PARVB: variants seen among roughly 807,000 people sequenced by gnomAD.
PARVB encodes the protein beta-parvin.
In PARVB, 46 loss-of-function variants were observed where a neutral mutation model predicts 47.0. The ratio of observed to expected loss-of-function variants is 0.98; its 90% CI spans 0.77 to 1.25. PARVB has a LOEUF of 1.25. Among genes scored for constraint, PARVB ranks in the 50% most tolerant of loss-of-function variants. The probability of loss-of-function intolerance (pLI) is 0.00; values close to 1 mark genes in which losing one functional copy is unlikely to be tolerated. For synonymous variants in PARVB, 196 were observed against 196.3 expected (o/e 1.00, Z 0.01); for missense variants, 473 against 471.6 (o/e 1.00, Z -0.03).
intron 1 of PARVB, among the ~76,000 whole-genome samples, chr22:44,082,556 C>G (rs1013300917): frequency 6.6e-6 from 1 of 152,060 alleles, no homozygotes; most frequent in East Asian, 1.9e-4. Context: ...AAAACAAAAA[C>G]TGACTCATGT....
intron 4 of PARVB, among the ~76,000 whole-genome samples, chr22:44,128,225 T>C (rs2053232429): frequency 6.6e-6 from 1 of 152,208 alleles, no homozygotes; most frequent in Non-Finnish European, 1.5e-5. Context: ...GTGCCCGTGC[T>C]GTGGGAGCTC....
intron 1 of PARVB, among the ~76,000 whole-genome samples, chr22:44,037,094 G>A (rs1239113175): frequency 6.6e-6 from 1 of 152,160 alleles, no homozygotes; most frequent in Non-Finnish European, 1.5e-5. Flanking sequence ...GGCCAAGGCA[G>A]GAGGATCGCT....
chr22:44,145,404 C>T (rs1051433824), intron 8 of PARVB: 1 of 152,296 alleles, frequency 6.6e-6, no homozygotes, highest in African/African-American at 2.4e-5. Context: ...CTGGGGAGGC[C>T]CCTGGGTTAC....
chr22:44,021,085 C>G (rs540391534), upstream of PARVB, among the ~76,000 whole-genome samples: 5 of 152,190 alleles, frequency 3.3e-5, no homozygotes, highest in South Asian at 2.1e-4. Flanking sequence ...GCCTGGCCCC[C>G]CTTTTGGGTT....
chr22:44,088,503 G>T (rs1269635494), intron 1 of PARVB, among the ~76,000 whole-genome samples: 3 of 152,058 alleles, frequency 2.0e-5, no homozygotes, highest in African/African-American at 7.2e-5. Context: ...ACGGAGTCTC[G>T]CTGTGTTGCC....
chr22:44,066,794 T>C (rs905854175), intron 1 of PARVB, among the ~76,000 whole-genome samples: 1 of 143,916 alleles, frequency 6.9e-6, no homozygotes, highest in Non-Finnish European at 1.5e-5. Flanking sequence ...CTCCTCCTCC[T>C]CCTCCTCCTC....
chr22:44,024,442 G>T lies in PARVB; in HGVS notation c.103G>T (p.Ala35Ser). 1 of 1,190,974 alleles carries T rather than the reference G, an allele frequency of 8.4e-7. No individual in the cohort carries two copies. The highest frequency in any genetic ancestry group is 4.4e-5 in the East Asian group (1 of 22,868). 73.8% of individuals were successfully genotyped at this position (1,190,974 alleles called of 1,614,324 possible). ...CGGCACCCTGGCCAGGAAGCGGAGG[G>T]CGCGCGAGGGTGAGTGCGCGCCCGC... ...LGGTLARKRRAREVSDLQEEG... is the reference protein window; with the variant it reads ...LGGTLARKRRSREVSDLQEEG... The change falls in exon 1 of 13, where the codon GCG becomes TCG. Residue 35 changes from alanine to serine, a missense_variant. Physicochemically the swap from Ala to Ser is moderately conservative, Grantham distance 99. Transcript: ENST00000338758.
intron 10 of PARVB, 134 bp downstream of exon 10, chr22:44,151,685 GA>G: frequency 1.4e-6 from 1 of 695,184 alleles, no homozygotes; most frequent in East Asian, 2.7e-5. Context: ...GGTGCAGGCA[GA>G]AATAACCACC....
intron 1 of PARVB, among the ~76,000 whole-genome samples, chr22:44,071,128 T>C (rs917502353): frequency 1.3e-5 from 2 of 152,136 alleles, no homozygotes; most frequent in Admixed American, 6.5e-5. Context: ...TACTGAGCGC[T>C]CTGTCCCCTC....
chr22:44,072,431 T>G (rs1369345481), intron 1 of PARVB, among the ~76,000 whole-genome samples: 1 of 151,954 alleles, frequency 6.6e-6, no homozygotes, highest in African/African-American at 2.4e-5. Flanking sequence ...GACTTCAGAG[T>G]CACTCTTTTT....
At chr22:44,153,854 A>G (rs1248433184) in intron 10 of PARVB, among the ~76,000 whole-genome samples, 1 of 152,214 alleles carries the variant, frequency 6.6e-6, no homozygotes, top group African/African-American at 2.4e-5. Flanking sequence ...CACCTCATTA[A>G]ACCAGTGCCT....
At chr22:44,117,859 TCA>T (rs2052946069) in intron 3 of PARVB, among the ~76,000 whole-genome samples, 1 of 152,048 alleles carries the variant, frequency 6.6e-6, no homozygotes, top group Non-Finnish European at 1.5e-5. Flanking sequence ...CACAGGAAAA[TCA>T]CACACTCTGT....
intron 2 of PARVB, among the ~76,000 whole-genome samples, chr22:44,013,007 G>A (rs1365425211): frequency 3.3e-5 from 5 of 151,424 alleles, no homozygotes; most frequent in East Asian, 1.9e-4. Context: ...GGCGATTCTC[G>A]TGCCTCAGCC....
intron 12 of PARVB, 52 bp from the exon 13 acceptor site, chr22:44,168,550 G>T (rs569169180): frequency 8.2e-7 from 1 of 1,213,838 alleles, no homozygotes; most frequent in South Asian, 1.2e-5. Flanking sequence ...AGTACCTACC[G>T]CAATGACAGG....
intron 4 of PARVB, among the ~76,000 whole-genome samples, chr22:44,122,487 C>G: frequency 1.6e-5 from 1 of 64,410 alleles, no homozygotes; most frequent in African/African-American, 5.7e-5. Flanking sequence ...CCCTGTCGAT[C>G]AAGAGAGAGA....
intron 1 of PARVB, among the ~76,000 whole-genome samples, chr22:44,072,890 C>T (rs1256406973): frequency 6.6e-6 from 1 of 152,152 alleles, no homozygotes. Flanking sequence ...CTTCACCCTG[C>T]AGGGCAAACT....
chr22:44,078,752 T>C (rs901276671), intron 1 of PARVB, among the ~76,000 whole-genome samples: 2 of 151,936 alleles, frequency 1.3e-5, no homozygotes, highest in Non-Finnish European at 2.9e-5. Context: ...TAAGATGGAG[T>C]CTCACTCTGT....
At chr22:44,101,417 TA>T (rs1239226400) in intron 3 of PARVB, among the ~76,000 whole-genome samples, 3 of 134,926 alleles carry the variant, frequency 2.2e-5, no homozygotes, top group East Asian at 5.4e-4. Flanking sequence ...CAAAAAAAAA[TA>T]AAAAATAAAA....
Position 44,147,857 on chromosome 22 carries a change from T to G in PARVB, c.713-4T>G, listed in dbSNP as rs1569153849. 1.2e-6 allele frequency: 2 copies of G among 1,613,886 alleles called. No individual in the cohort carries two copies. The highest frequency in any genetic ancestry group is 1.7e-6 in the Non-Finnish European group (2 of 1,179,768). ...CCTTCGTGTCTCTCTTTGCATGTCC[T>G]CAGAGCGGGATGCCTTCGACACGCT... On this transcript the variant is annotated splice_polypyrimidine_tract_variant and splice_region_variant and intron_variant, in intron 8 of 12. Transcript: ENST00000338758.
Sources: allele counts gnomAD v4.1 joint callset (sites outside exome capture counted in the v4.1 genomes callset), GRCh38; gene constraint gnomAD v4.1.1; transcripts MANE v1.5; gene names NCBI Gene and HGNC (gene_info 2026-07-23, HGNC 2026-07-21).